Variants in MBTD1 observed in about 807,000 individuals in gnomAD.
MBTD1 encodes MBT domain-containing protein 1.
Under a neutral mutation model 87.8 loss-of-function variants are expected in MBTD1, and 24 were observed. The ratio of observed to expected loss-of-function variants is 0.27; its 90% CI spans 0.20 to 0.38. The LOEUF is 0.38. Among genes scored for constraint, MBTD1 ranks in the 10% least tolerant of loss-of-function variants. MBTD1 has a pLI of 1.00. For missense variants in MBTD1, 436 were observed against 760.2 expected (o/e 0.57, Z 5.02); for synonymous variants, 237 against 248.6 (o/e 0.95, Z 0.44).
rs1235751950 is a variant in MBTD1 at position 51,185,202 on chromosome 17, G to A, written c.1769-4508C>T. On this transcript the variant is annotated intron_variant, in intron 16 of 16. Coordinates refer to ENST00000586178, the MANE Select transcript of MBTD1 (RefSeq NM_017643.3). The stretch of plus-strand genomic sequence containing the variant: ...TTTTCAACATACAAGACATTTTAAA[G>A]AATGCTCATTACAGAAAACAAGTCT... 3 of 152,194 alleles carry A rather than the reference G, an allele frequency of 2.0e-5. No homozygotes were observed. In the East Asian group the frequency reaches 5.8e-4, roughly 29 times the overall value. The allele number at this position is 152,194 out of a possible 1,614,324, so 9.4% of individuals were successfully genotyped here.
chr17:51,229,664 T>A (rs962224359), intron 2 of MBTD1, among the ~76,000 whole-genome samples: 5 of 149,592 alleles, frequency 3.3e-5, no homozygotes, highest in African/African-American at 1.2e-4. Flanking sequence ...AGTATACTTT[T>A]TTTTTTTTTT....
intron 6 of MBTD1, among the ~76,000 whole-genome samples, chr17:51,211,440 G>A (rs1358380893): frequency 3.3e-5 from 5 of 151,390 alleles, no homozygotes; most frequent in African/African-American, 1.2e-4. Flanking sequence ...CCAAGAAGTT[G>A]AGGCTGCAGT....
chr17:51,202,739 C>G lies in MBTD1; in HGVS notation c.1025G>C (p.Gly342Ala). 6.2e-7 allele frequency: 1 copy of G among 1,614,114 alleles called. No homozygotes were observed. The highest frequency in any genetic ancestry group is 8.5e-7 in the Non-Finnish European group (1 of 1,179,996). The change falls in exon 10 of 17, where the codon GGT (glycine) becomes GCT (alanine). Residue 342 changes from glycine (G) to alanine (A), a missense_variant. Around this residue, in one of 5 missense-constraint regions of MBTD1, gnomAD observed 268 missense variants for 401.8 expected, o/e 0.67. Transcript: ENST00000586178. ...TCGATGACCTATGCTTCGAGACCAA[C>G]CAATATGATGTATTAATGGGCTGTG... Reference protein sequence around the residue: ...HMHSPLIHHIGWSRSIGHRFK... With the variant: ...HMHSPLIHHIAWSRSIGHRFK...
At position 51,259,212 on chromosome 17, in the gene MBTD1, A is replaced by G. The variant is rs1015586990; in HGVS notation, c.-112-6T>C. On this transcript the variant is annotated splice_region_variant and splice_polypyrimidine_tract_variant and intron_variant, in intron 1 of 16. Coordinates refer to ENST00000586178, the MANE Select transcript of MBTD1 (RefSeq NM_017643.3). ...CTCTAATGTCTCTTCCGACTCTGAA[A>G]TGTTAGGATTCTTATTTCACAAAGG... 3.3e-6 allele frequency: 4 copies of G among 1,221,116 alleles called. No individual in the cohort carries two copies. The African/African-American group carries it at 6.2e-5, about 19-fold the overall frequency. 75.6% of individuals were successfully genotyped at this position (1,221,116 alleles called of 1,614,324 possible).
intron 2 of MBTD1, among the ~76,000 whole-genome samples, chr17:51,246,752 T>C (rs1568235746): frequency 6.6e-6 from 1 of 152,056 alleles, no homozygotes; most frequent in South Asian, 2.1e-4. Flanking sequence ...TCTCCCACCT[T>C]AGCCTCCTGA....
rs2050161534 is a variant in MBTD1, at chr17:51,177,953, A to G, written c.*2623T>C. 6.6e-6 allele frequency: 1 copy of G among 152,196 alleles called. No individual in the cohort carries two copies. Among genetic ancestry groups the G allele is most frequent in the African/African-American group, 2.4e-5 (1 of 41,446 alleles). The allele number at this position is 152,196 out of a possible 1,614,324, so 9.4% of individuals were successfully genotyped here. A position where few individuals can be genotyped will look rare whatever the true frequency, so the allele number is the denominator to read the frequency against. Reference sequence around the variant, plus strand: ...ATTCACATCACGCAAAATTAATAATAATAATAAAAACAAACAAACACTGAA... The same window carrying G: ...ATTCACATCACGCAAAATTAATAATGATAATAAAAACAAACAAACACTGAA... On this transcript the variant is annotated 3_prime_UTR_variant, in exon 17 of 17. Coordinates refer to ENST00000586178, the MANE Select transcript of MBTD1 (RefSeq NM_017643.3).
intron 2 of MBTD1, among the ~76,000 whole-genome samples, chr17:51,246,269 A>T (rs539355423): frequency 6.6e-6 from 1 of 152,196 alleles, no homozygotes; most frequent in Non-Finnish European, 1.5e-5. Flanking sequence ...TATAAAAAAA[A>T]TTTTGTGCAT....
intron 2 of MBTD1, among the ~76,000 whole-genome samples, chr17:51,227,044 C>A (rs1256427908): frequency 6.6e-6 from 1 of 151,832 alleles, no homozygotes; most frequent in Non-Finnish European, 1.5e-5. Context: ...AGATCGAGAC[C>A]ATCCTGGCTA....
At chr17:51,200,763 C>G (rs1289080640) in intron 12 of MBTD1, among the ~76,000 whole-genome samples, 1 of 150,788 alleles carries the variant, frequency 6.6e-6, no homozygotes, top group Admixed American at 6.6e-5. Context: ...ACTCAGGGGG[C>G]CGAGGCAGGA....
intron 16 of MBTD1, among the ~76,000 whole-genome samples, chr17:51,182,014 C>A (rs939850424): frequency 1.3e-5 from 2 of 152,058 alleles, no homozygotes; most frequent in Non-Finnish European, 2.9e-5. Context: ...CCACTTGAAT[C>A]TAGTCCCGTG....
chr17:51,197,727 G>A (rs2051220086), intron 12 of MBTD1, among the ~76,000 whole-genome samples: 1 of 151,932 alleles, frequency 6.6e-6, no homozygotes, highest in South Asian at 2.1e-4. Flanking sequence ...AACTCTGGGG[G>A]CCAAGGTGGG....
intron 2 of MBTD1, among the ~76,000 whole-genome samples, chr17:51,228,825 G>T (rs2053392769): frequency 1.4e-5 from 2 of 146,330 alleles, no homozygotes; most frequent in South Asian, 4.5e-4. Context: ...TTGAACCCGG[G>T]AGGCAGAGAT....
intron 2 of MBTD1, among the ~76,000 whole-genome samples, chr17:51,258,295 T>C (rs1041324188): frequency 6.6e-6 from 1 of 152,180 alleles, no homozygotes; most frequent in Non-Finnish European, 1.5e-5. Context: ...CCAAGATTCT[T>C]AGGCCAATAA....
intron 2 of MBTD1, among the ~76,000 whole-genome samples, chr17:51,247,261 T>C (rs1038639271): frequency 2.0e-5 from 3 of 152,144 alleles, no homozygotes; most frequent in Non-Finnish European, 4.4e-5. Context: ...ACTACATAAA[T>C]AGATTTCCAA....
chr17:51,260,653 C>A (rs755322303), upstream of MBTD1: 4 of 1,612,202 alleles, frequency 2.5e-6, no homozygotes, highest in African/African-American at 1.3e-5. Flanking sequence ...AGCGGAAGCC[C>A]GGAATGAGGC....
chr17:51,243,633 G>A (rs1057327928), intron 2 of MBTD1, among the ~76,000 whole-genome samples: 2 of 152,034 alleles, frequency 1.3e-5, no homozygotes, highest in African/African-American at 4.8e-5. Flanking sequence ...TTCAAGACCA[G>A]GATCACATAA....
At chr17:51,182,333 G>T (rs1277507243) in intron 16 of MBTD1, among the ~76,000 whole-genome samples, 1 of 151,922 alleles carries the variant, frequency 6.6e-6, no homozygotes, top group Non-Finnish European at 1.5e-5. Flanking sequence ...TGCCATGTTG[G>T]CTGGGCTGGT....
intron 10 of MBTD1, 30 bp from the exon 11 acceptor site, chr17:51,202,107 C>A: frequency 6.8e-7 from 1 of 1,464,812 alleles, no homozygotes; most frequent in South Asian, 1.2e-5. Context: ...ACTAATCTGT[C>A]AGCATTTGTG....
intron 12 of MBTD1, among the ~76,000 whole-genome samples, chr17:51,197,290 T>C (rs1294629251): frequency 6.6e-6 from 1 of 150,680 alleles, no homozygotes; most frequent in Non-Finnish European, 1.5e-5. Flanking sequence ...TTAGTAGAGA[T>C]GGGGTTTCGC....
Sources: allele counts gnomAD v4.1 joint callset (sites outside exome capture counted in the v4.1 genomes callset), GRCh38; gene constraint gnomAD v4.1.1; regional missense constraint gnomAD v4.1.1; transcripts MANE v1.5; gene names NCBI Gene and HGNC (gene_info 2026-07-23, HGNC 2026-07-21).